CHRM3: variants seen among roughly 807,000 people sequenced by gnomAD.
The protein encoded by CHRM3 is muscarinic acetylcholine receptor M3.
Under a neutral mutation model 41.8 loss-of-function variants are expected in CHRM3, and 11 were observed. That is an observed-to-expected ratio of 0.26 (90% CI 0.17 to 0.44). The LOEUF (loss-of-function observed/expected upper bound fraction) is 0.44. Ranked by LOEUF, CHRM3 falls within the 20% of genes least tolerant of loss-of-function variation. The probability of loss-of-function intolerance (pLI) is 1.00; values close to 1 mark genes in which losing one functional copy is unlikely to be tolerated. For missense variants in CHRM3, 571 were observed against 745.4 expected (o/e 0.77, Z 2.72); for synonymous variants, 297 against 301.4 (o/e 0.99, Z 0.15).
rs570503261 is a variant in CHRM3, at chr1:239,605,662, G to A, written c.-312-26562G>A. Among the ~76,000 whole-genome samples the A allele has an allele frequency of 3.9e-5, 6 of 152,220 alleles. No individual in the cohort carries two copies. The South Asian group carries it at 1.0e-3, about 26-fold the overall frequency. On this transcript the variant is annotated intron_variant, in intron 3 of 6. Transcript: ENST00000676153. ...TTAGAATTACAGTCTGATAATTCCA[G>A]TTTACAATGTATAACCATATCATTC...
At chr1:239,853,161 G>T (rs1180936298) in intron 6 of CHRM3, among the ~76,000 whole-genome samples, 1 of 151,840 alleles carries the variant, frequency 6.6e-6, no homozygotes, top group East Asian at 1.9e-4. Context: ...TCTCAATAAA[G>T]TGTTGGTCTT....
At chr1:239,491,587 G>C (rs555376573) in intron 1 of CHRM3, among the ~76,000 whole-genome samples, 1 of 152,260 alleles carries the variant, frequency 6.6e-6, no homozygotes, top group Non-Finnish European at 1.5e-5. Flanking sequence ...TTCACGCACT[G>C]TTAGACAATT....
At chr1:239,683,686 G>C (rs184007879) in intron 5 of CHRM3, among the ~76,000 whole-genome samples, 3 of 152,260 alleles carry the variant, frequency 2.0e-5, no homozygotes, top group African/African-American at 4.8e-5. Context: ...ACTCTAGTCT[G>C]GTATAGAAAC....
intron 1 of CHRM3, among the ~76,000 whole-genome samples, chr1:239,468,683 C>A (rs1463746024): frequency 6.6e-6 from 1 of 152,046 alleles, no homozygotes; most frequent in Non-Finnish European, 1.5e-5. Context: ...AGATATTAGT[C>A]CTATGATTTT....
intron 3 of CHRM3, among the ~76,000 whole-genome samples, chr1:239,589,425 A>AG (rs1202065329): frequency 1.3e-5 from 2 of 151,352 alleles, no homozygotes; most frequent in Non-Finnish European, 2.9e-5. Context: ...TTCATGAAAA[A>AG]ATCACATATT....
intron 1 of CHRM3, among the ~76,000 whole-genome samples, chr1:239,463,178 G>A (rs1665481707): frequency 6.6e-6 from 1 of 152,132 alleles, no homozygotes; most frequent in African/African-American, 2.4e-5. Flanking sequence ...GCATATTATA[G>A]ATACAGATAG....
At chr1:239,899,275 C>T (rs1220111631) in intron 6 of CHRM3, among the ~76,000 whole-genome samples, 4 of 94,768 alleles carry the variant, frequency 4.2e-5, no homozygotes, top group African/African-American at 1.4e-4. Flanking sequence ...ATTTTGAACT[C>T]AGTGTGTGTG....
intron 3 of CHRM3, among the ~76,000 whole-genome samples, chr1:239,582,501 C>T (rs1662992260): frequency 6.6e-6 from 1 of 152,102 alleles, no homozygotes; most frequent in South Asian, 2.1e-4. Flanking sequence ...TTGGCAGCCC[C>T]TATGCTCATG....
intron 5 of CHRM3, chr1:239,705,680 T>A (rs1661089352): frequency 6.6e-6 from 1 of 152,034 alleles, no homozygotes; most frequent in African/African-American, 2.4e-5. Flanking sequence ...ATTACCTCTA[T>A]AAAGGCCCTA....
chr1:239,691,035 G>A (rs544737878), intron 5 of CHRM3, among the ~76,000 whole-genome samples: 1 of 152,082 alleles, frequency 6.6e-6, no homozygotes, highest in African/African-American at 2.4e-5. Context: ...CTGGACCAAG[G>A]GAAGCAAAGA....
In CHRM3 at chr1:239,684,359, T is replaced by G. The variant is rs77063401; in HGVS notation, c.-147+6071T>G. On this transcript the variant is annotated intron_variant, in intron 5 of 6. Transcript: ENST00000676153. Reference sequence around the variant, plus strand: ...GTCTCAGGGATTGCCTTAAGGATGATACTGGGTAATCCCTGAAAGTTTACA... The same window carrying G: ...GTCTCAGGGATTGCCTTAAGGATGAGACTGGGTAATCCCTGAAAGTTTACA... 5.8e-4 allele frequency among the ~76,000 whole-genome samples: 89 copies of G among 152,174 alleles called. 1 individual carries two copies. The East Asian group carries it at 0.016, about 28-fold the overall frequency.
At chr1:239,800,374 T>C (rs575369419) in intron 5 of CHRM3, among the ~76,000 whole-genome samples, 55 of 152,334 alleles carry the variant, frequency 3.6e-4, no homozygotes, top group Middle Eastern at 6.8e-3. Flanking sequence ...CATCTCTTTG[T>C]TCCTCACATT....
intron 5 of CHRM3, among the ~76,000 whole-genome samples, chr1:239,817,117 C>A (rs530935523): frequency 6.6e-5 from 10 of 152,264 alleles, no homozygotes; most frequent in African/African-American, 2.2e-4. Context: ...TATATGGACA[C>A]AGACAGTGCC....
chr1:239,799,388 T>G (rs1441198053), intron 5 of CHRM3, among the ~76,000 whole-genome samples: 1 of 152,118 alleles, frequency 6.6e-6, no homozygotes, highest in Admixed American at 6.5e-5. Context: ...CAAGGAGCAT[T>G]ACCAGAGTTG....
intron 4 of CHRM3, 134 bp from the exon 5 acceptor site, chr1:239,678,052 A>G (rs900570916): frequency 1.3e-5 from 2 of 152,240 alleles, no homozygotes; most frequent in Non-Finnish European, 2.9e-5. Flanking sequence ...ATATTTGGAA[A>G]TGCTGGGATA....
chr1:239,642,377 A>G (rs1031894561), intron 4 of CHRM3, among the ~76,000 whole-genome samples: 4 of 151,882 alleles, frequency 2.6e-5, no homozygotes, highest in Non-Finnish European at 5.9e-5. Context: ...ACTTGGTTCC[A>G]TTCTCCCCGT....
chr1:239,714,474 T>C (rs1483686296), intron 5 of CHRM3, among the ~76,000 whole-genome samples: 1 of 152,106 alleles, frequency 6.6e-6, no homozygotes, highest in Non-Finnish European at 1.5e-5. Context: ...AAATCAGAGT[T>C]ACTTGGGTGA....
intron 6 of CHRM3, among the ~76,000 whole-genome samples, chr1:239,854,447 G>C (rs1384933597): frequency 6.6e-6 from 1 of 152,054 alleles, no homozygotes; most frequent in Non-Finnish European, 1.5e-5. Flanking sequence ...CCAAAGAAAT[G>C]ACTAGGAACA....
intron 5 of CHRM3, among the ~76,000 whole-genome samples, chr1:239,734,791 G>A (rs546817398): frequency 1.9e-3 from 290 of 152,134 alleles, no homozygotes; most frequent in African/African-American, 6.7e-3. Context: ...AGATATCTGG[G>A]ATTTGCTTCA....
Sources: allele counts gnomAD v4.1 joint callset (sites outside exome capture counted in the v4.1 genomes callset), GRCh38; gene constraint gnomAD v4.1.1; transcripts MANE v1.5; gene names NCBI Gene and HGNC (gene_info 2026-07-23, HGNC 2026-07-21).